Variants in INPP5A observed in about 807,000 individuals in gnomAD.
INPP5A encodes 43 kDa inositol polyphosphate 5-phophatase.
A neutral mutation model predicts 65.2 loss-of-function variants in INPP5A; 14 were observed. That is an observed-to-expected ratio of 0.21 (90% CI 0.14 to 0.34). The LOEUF is 0.34. Ranked by LOEUF, INPP5A falls within the 10% of genes least tolerant of loss-of-function variation. The pLI is 1.00. For synonymous variants in INPP5A, 207 were observed against 208.3 expected, an observed-to-expected ratio of 0.99 and a Z score of 0.05; for missense variants, 431 against 545.6, an observed-to-expected ratio of 0.79 and a Z score of 2.09.
At chr10:132,774,620 G>A (rs889363729) in intron 12 of INPP5A, among the ~76,000 whole-genome samples, 22 of 152,104 alleles carry the variant, frequency 1.4e-4, no homozygotes, top group Non-Finnish European at 2.6e-4. Context: ...CCAAGACCTC[G>A]ACATAGCCGG....
Position 132,685,912 on chromosome 10 carries a change from A to G in INPP5A, c.307-4480A>G, listed in dbSNP as rs1245118761. On this transcript the variant is annotated intron_variant, in intron 4 of 15. Transcript: ENST00000368594. ...GCCATTTATCACATTACCGGACTCC[A>G]ATTGAAGTTGAGAGGTTGTTTTAAT... is the stretch of plus-strand genomic sequence containing the variant. 2.0e-5 allele frequency among the ~76,000 whole-genome samples: 3 copies of G among 152,362 alleles called. No individual in the cohort carries two copies. In the East Asian group the frequency reaches 5.8e-4, roughly 29 times the overall value.
At chr10:132,579,767 G>A (rs1238333901) in intron 1 of INPP5A, among the ~76,000 whole-genome samples, 1 of 151,962 alleles carries the variant, frequency 6.6e-6, no homozygotes, top group Non-Finnish European at 1.5e-5. Flanking sequence ...GAGAGGAGAA[G>A]CCCGGAAGAT....
chr10:132,723,121 T>C (rs762822269), intron 8 of INPP5A, among the ~76,000 whole-genome samples: 10 of 152,230 alleles, frequency 6.6e-5, no homozygotes, highest in Non-Finnish European at 1.3e-4. Flanking sequence ...TAGGGTTTCA[T>C]GATGATCCTG....
chr10:132,614,792 C>T (rs1272403943), intron 2 of INPP5A, among the ~76,000 whole-genome samples: 3 of 152,260 alleles, frequency 2.0e-5, no homozygotes, highest in Admixed American at 2.0e-4. Flanking sequence ...CCCATGAATG[C>T]AATCAGTGCC....
At chr10:132,596,108 T>C (rs2133321171) in intron 1 of INPP5A, among the ~76,000 whole-genome samples, 1 of 152,308 alleles carries the variant, frequency 6.6e-6, no homozygotes, top group East Asian at 1.9e-4. Context: ...TCAGTGGTTT[T>C]AAAAATAACT....
Position 132,686,213 on chromosome 10 carries a change from C to T in INPP5A, c.307-4179C>T, listed in dbSNP as rs191698819. Among the ~76,000 whole-genome samples the T allele has an allele frequency of 3.5e-3, 540 of 152,336 alleles. 2 individuals carry two copies. Among genetic ancestry groups the T allele is most frequent in the Non-Finnish European group, 2.7e-3 (187 of 68,032 alleles). ...GGTGCCCCAGGGGCTTGGCTTTGTC[C>T]AGTGGAGGCCGCTTCCCGGCTGTGC... On this transcript the variant is annotated intron_variant, in intron 4 of 15. Coordinates refer to ENST00000368594, the MANE Select transcript of INPP5A (RefSeq NM_005539.5).
In INPP5A at chr10:132,663,144, C is replaced by T. The variant is rs180890430; in HGVS notation, c.306+12639C>T. On this transcript the variant is annotated intron_variant, in intron 4 of 15. Coordinates refer to ENST00000368594, the MANE Select transcript of INPP5A (RefSeq NM_005539.5). The surrounding 1 kb of genome is among the most constrained non-coding windows in gnomAD (Gnocchi z 4.5). ...CAACTCGGCACGCCGCAGGACATAA[C>T]GGCAGAGTGTGAGTAATTTTCCATT... 3.9e-5 allele frequency among the ~76,000 whole-genome samples: 6 copies of T among 152,348 alleles called. No individual in the cohort carries two copies. Among genetic ancestry groups the T allele is most frequent in the Admixed American group, 2.6e-4 (4 of 15,308 alleles).
intron 4 of INPP5A, among the ~76,000 whole-genome samples, chr10:132,688,538 C>T (rs1232654670): frequency 6.6e-6 from 1 of 152,224 alleles, no homozygotes; most frequent in Non-Finnish European, 1.5e-5. Context: ...CTGGGGCACT[C>T]AGAACTGCAG....
At chr10:132,760,642 T>C (rs2134664989) in intron 11 of INPP5A, among the ~76,000 whole-genome samples, 1 of 152,308 alleles carries the variant, frequency 6.6e-6, no homozygotes, top group East Asian at 1.9e-4. Context: ...CTGAGGACTC[T>C]CCTTTCCTCT....
intron 9 of INPP5A, among the ~76,000 whole-genome samples, chr10:132,739,950 G>A (rs888569482): frequency 6.6e-6 from 1 of 152,164 alleles, no homozygotes; most frequent in African/African-American, 2.4e-5. Context: ...GATGCCAGAG[G>A]ACTCCAGAGG....
chr10:132,708,580 G>T (rs1228252540), intron 7 of INPP5A: 11 of 686,036 alleles, frequency 1.6e-5, no homozygotes, highest in Non-Finnish European at 1.9e-5. Context: ...ACATCTGGGT[G>T]CCCAGTGCCA....
At chr10:132,775,896 G>A (rs981060978) in intron 12 of INPP5A, among the ~76,000 whole-genome samples, 1 of 152,188 alleles carries the variant, frequency 6.6e-6, no homozygotes, top group Non-Finnish European at 1.5e-5. Context: ...TGCATGAGGA[G>A]GGAGAACTGG....
chr10:132,710,473 AGGTAGG>A lies in INPP5A; in HGVS notation c.647+18_647+23del, dbSNP rs1303684071. 3 of 1,610,260 alleles carry A rather than the reference AGGTAGG, an allele frequency of 1.9e-6. No individual in the cohort carries two copies. Among genetic ancestry groups the A allele is most frequent in the Admixed American group, 3.3e-5 (2 of 59,820 alleles). On this transcript the variant is annotated intron_variant, in intron 8 of 15. Transcript: ENST00000368594. ...GCTGGACAGGTAGGTGTGGGCGGGC[AGGTAGG>A]CGTGGGCCGGGCAAGTAGGTGTGCT...
intron 8 of INPP5A, among the ~76,000 whole-genome samples, chr10:132,717,620 G>T (rs1845764382): frequency 6.7e-6 from 1 of 148,210 alleles, no homozygotes; most frequent in African/African-American, 2.5e-5. Flanking sequence ...TCTTTCTGGG[G>T]GCGCCTTAGA....
chr10:132,568,970 C>T (rs555894729), intron 1 of INPP5A, among the ~76,000 whole-genome samples: 79 of 138,732 alleles, frequency 5.7e-4, no homozygotes, highest in Middle Eastern at 4.3e-3. Context: ...GGCTGGAGTG[C>T]GATGGCACGA....
chr10:132,755,541 C>T (rs573125116), intron 11 of INPP5A, among the ~76,000 whole-genome samples: 1 of 148,276 alleles, frequency 6.7e-6, no homozygotes. Context: ...CAGGCATATG[C>T]ATATGAGTGG....
chr10:132,752,117 A>C (rs1264468567), intron 11 of INPP5A, among the ~76,000 whole-genome samples: 2 of 151,464 alleles, frequency 1.3e-5, no homozygotes, highest in Non-Finnish European at 2.9e-5. Context: ...GCGGGTGCCC[A>C]GGAGGCGTCT....
chr10:132,757,441 C>T (rs1846644362), intron 11 of INPP5A, among the ~76,000 whole-genome samples: 1 of 152,272 alleles, frequency 6.6e-6, no homozygotes, highest in African/African-American at 2.4e-5. Context: ...TGTGTTACGC[C>T]ACCTGCGGTG....
chr10:132,687,411 C>G (rs1362795673), intron 4 of INPP5A, among the ~76,000 whole-genome samples: 1 of 152,244 alleles, frequency 6.6e-6, no homozygotes, highest in Non-Finnish European at 1.5e-5. Context: ...AGCAGCTCAC[C>G]AGGGCATGTG....
Sources: allele counts gnomAD v4.1 joint callset (sites outside exome capture counted in the v4.1 genomes callset), GRCh38; gene constraint gnomAD v4.1.1; non-coding constraint Gnocchi (gnomAD v3.1); transcripts MANE v1.5; gene names NCBI Gene and HGNC (gene_info 2026-07-23, HGNC 2026-07-21).